The following CFDP1 variants were observed in gnomAD, a reference collection of about 807,000 sequenced individuals.
CFDP1 encodes chromatin remodeling protein CFDP1.
CFDP1 carries 31 observed loss-of-function variants against 40.1 expected under a neutral mutation model. That is an observed-to-expected ratio of 0.77 (90% CI 0.58 to 1.04). The LOEUF is 1.04. CFDP1 is among the 50% of genes least tolerant of loss of function. CFDP1 has a pLI of 0.00. For synonymous variants in CFDP1, 167 were observed against 120.0 expected, an observed-to-expected ratio of 1.39 and a Z score of -2.56; for missense variants, 423 against 343.4, an observed-to-expected ratio of 1.23 and a Z score of -1.83.
intron 5 of CFDP1, among the ~76,000 whole-genome samples, chr16:75,354,733 G>C (rs562364881): frequency 5.3e-5 from 8 of 152,322 alleles, no homozygotes; most frequent in African/African-American, 1.9e-4. Flanking sequence ...AAATGCAACA[G>C]GGTATCCGCA....
At chr16:75,347,390 G>GA (rs1034784588) in intron 5 of CFDP1, among the ~76,000 whole-genome samples, 50 of 105,800 alleles carry the variant, frequency 4.7e-4, no homozygotes, top group Non-Finnish European at 7.9e-4. Context: ...AAAGAAAAAA[G>GA]AAAAAAAAAG....
At chr16:75,426,563 T>A (rs1431940040) in intron 1 of CFDP1, among the ~76,000 whole-genome samples, 1 of 150,872 alleles carries the variant, frequency 6.6e-6, no homozygotes, top group Non-Finnish European at 1.5e-5. Flanking sequence ...GTAGTCCCAG[T>A]TACTACAGAG....
chr16:75,307,651 C>A (rs538504665), intron 5 of CFDP1, among the ~76,000 whole-genome samples: 91 of 152,256 alleles, frequency 6.0e-4, no homozygotes, highest in Non-Finnish European at 1.2e-3. Context: ...CTCAACCTCC[C>A]TGGGTCAAGT....
intron 5 of CFDP1, among the ~76,000 whole-genome samples, chr16:75,353,748 C>CAAAAAAAAA (rs3975152): frequency 1.4e-5 from 1 of 72,340 alleles, no homozygotes; most frequent in African/African-American, 6.0e-5. Context: ...AAGTCCGTCT[C>CAAAAAAAAA]AAAAAAAAAA....
intron 5 of CFDP1, among the ~76,000 whole-genome samples, chr16:75,312,621 G>C (rs1341134871): frequency 6.6e-6 from 1 of 152,310 alleles, no homozygotes. Flanking sequence ...TTTAGTGATA[G>C]AAGTCCTGAA....
chr16:75,316,315 C>G (rs939186305), intron 5 of CFDP1, among the ~76,000 whole-genome samples: 1 of 152,086 alleles, frequency 6.6e-6, no homozygotes, highest in African/African-American at 2.4e-5. Context: ...TCAGGAAGTT[C>G]AGAAAGTTGA....
intron 5 of CFDP1, among the ~76,000 whole-genome samples, chr16:75,385,413 T>A (rs1202451745): frequency 1.3e-5 from 2 of 152,116 alleles, no homozygotes; most frequent in Non-Finnish European, 2.9e-5. Context: ...GGACTACAGG[T>A]CATTTTTACT....
intron 5 of CFDP1, among the ~76,000 whole-genome samples, chr16:75,360,172 G>A (rs2078672200): frequency 6.6e-6 from 1 of 152,146 alleles, no homozygotes; most frequent in Admixed American, 6.6e-5. Context: ...GGGATTACAG[G>A]CATGAGCCAC....
intron 5 of CFDP1, among the ~76,000 whole-genome samples, chr16:75,336,813 G>A (rs1243499953): frequency 6.6e-6 from 1 of 152,178 alleles, no homozygotes; most frequent in African/African-American, 2.4e-5. Flanking sequence ...CTACCAATAT[G>A]GTGAAAAATG....
At chr16:75,391,655 C>T (rs4638613) in intron 5 of CFDP1, 78,003 of 151,958 alleles carry the variant, frequency 0.51, 21,021 homozygotes, top group Admixed American at 0.64. Context: ...TTATGATGGG[C>T]GGCAGTCAAG....
chr16:75,413,284 A>C (rs1195841875), intron 2 of CFDP1, among the ~76,000 whole-genome samples: 3 of 152,220 alleles, frequency 2.0e-5, no homozygotes, highest in African/African-American at 4.8e-5. Flanking sequence ...AAATTCAAGG[A>C]CAGGCCAGGC....
chr16:75,393,829 G>A (rs1285491059), intron 5 of CFDP1, among the ~76,000 whole-genome samples: 1 of 150,290 alleles, frequency 6.7e-6, no homozygotes, highest in Non-Finnish European at 1.5e-5. Flanking sequence ...GGAAGCCAAG[G>A]AGGGCAGATC....
At chr16:75,387,183 C>CG (rs2078905572) in intron 5 of CFDP1, among the ~76,000 whole-genome samples, 1 of 149,046 alleles carries the variant, frequency 6.7e-6, no homozygotes, top group Non-Finnish European at 1.5e-5. Flanking sequence ...TCTTGTTGCC[C>CG]AGGCTGGAGT....
intron 5 of CFDP1, among the ~76,000 whole-genome samples, chr16:75,339,234 T>C (rs1225917027): frequency 6.6e-6 from 1 of 152,188 alleles, no homozygotes; most frequent in Non-Finnish European, 1.5e-5. Context: ...CTTTGGCTCA[T>C]TCGTCCTGCT....
chr16:75,302,282 C>A (rs964349052), intron 6 of CFDP1, among the ~76,000 whole-genome samples: 1 of 151,926 alleles, frequency 6.6e-6, no homozygotes, highest in Admixed American at 6.6e-5. Context: ...ATTTTTTGGG[C>A]CAGGGTCTCA....
In CFDP1 at chr16:75,305,046, T is replaced by C. The variant is rs751354280; in HGVS notation, c.787A>G (p.Ile263Val). The C allele has an allele frequency of 1.9e-6, 3 of 1,614,126 alleles. No homozygotes were observed. Among genetic ancestry groups the C allele is most frequent in the Admixed American group, 1.7e-5 (1 of 60,016 alleles). The change falls in exon 6 of 7, where the codon ATC becomes GTC. Residue 263 changes from isoleucine to valine, a missense_variant. Transcript: ENST00000283882. ...TACCCCTCTTTCCCTCGATTATGGA[T>C]GGCCAGTTCTTCACCAATCCCCTCT... ...EEEGIGEELAIHNRGKEGYIE... is the reference protein window; with the variant it reads ...EEEGIGEELAVHNRGKEGYIE...
chr16:75,307,475 C>A (rs988525687), intron 5 of CFDP1, among the ~76,000 whole-genome samples: 3 of 152,168 alleles, frequency 2.0e-5, no homozygotes, highest in Non-Finnish European at 4.4e-5. Flanking sequence ...CCTCGGCCCC[C>A]CAAAGTGCTG....
intron 5 of CFDP1, among the ~76,000 whole-genome samples, chr16:75,380,478 G>T (rs2865530): frequency 0.52 from 78,843 of 151,452 alleles, 21,539 homozygotes; most frequent in Admixed American, 0.64. Context: ...AAATGGTCTT[G>T]AGCTTACAGG....
intron 6 of CFDP1, among the ~76,000 whole-genome samples, chr16:75,304,456 T>C (rs2078244181): frequency 6.6e-6 from 1 of 152,214 alleles, no homozygotes; most frequent in Non-Finnish European, 1.5e-5. Context: ...ACGTAGGTTA[T>C]GAACATTCTC....
Sources: allele counts gnomAD v4.1 joint callset (sites outside exome capture counted in the v4.1 genomes callset), GRCh38; gene constraint gnomAD v4.1.1; transcripts MANE v1.5; gene names NCBI Gene and HGNC (gene_info 2026-07-23, HGNC 2026-07-21).